SH3TC1: variants seen among roughly 807,000 people sequenced by gnomAD.
SH3TC1 encodes SH3 domain and tetratricopeptide repeats 1, also known as SH3 domain and tetratricopeptide repeat-containing protein 1.
Under a neutral mutation model 117.3 loss-of-function variants are expected in SH3TC1, and 135 were observed. The observed-to-expected ratio is 1.15, with a 90% confidence interval of 1.00 to 1.33. The LOEUF (loss-of-function observed/expected upper bound fraction) is 1.33. Among genes scored for constraint, SH3TC1 ranks in the 40% most tolerant of loss-of-function variants. The pLI, the probability that SH3TC1 is intolerant of heterozygous loss-of-function variation, is 0.00. For missense variants in SH3TC1, 2,092 were observed against 1,794.3 expected (o/e 1.17, Z -3.00); for synonymous variants, 898 against 816.9 (o/e 1.10, Z -1.69).
Position 8,206,193 on chromosome 4 carries a change from C to T in SH3TC1, c.172+827C>T, listed in dbSNP as rs556594731. On this transcript the variant is annotated intron_variant, in intron 2 of 17. Transcript: ENST00000245105. This position sits in a 1 kb window ranked among gnomAD's most constrained non-coding sequence, Gnocchi z 5.5. ...TGTGGGAGTGTTTTATACCTGCGAT[C>T]CTGCCCTTCTGCTTGAGGGTGGAGA... 2 of 155,322 alleles carry T rather than the reference C, an allele frequency of 1.3e-5. No homozygotes were observed. The highest frequency in any genetic ancestry group is 2.8e-5 in the Non-Finnish European group (2 of 70,198). 9.6% of individuals were successfully genotyped at this position (155,322 alleles called of 1,614,324 possible). A position where few individuals can be genotyped will look rare whatever the true frequency, so the allele number is the denominator to read the frequency against.
Position 8,205,417 on chromosome 4 carries a change from A to G in SH3TC1, c.172+51A>G, listed in dbSNP as rs752791698. ...CGCCCTCCATCCCACCCACTTCTCCACCCCACCCGCCCCGTCCATCCATCC... is the reference window on the plus strand; with the variant it reads ...CGCCCTCCATCCCACCCACTTCTCCGCCCCACCCGCCCCGTCCATCCATCC... On this transcript the variant is annotated intron_variant, in intron 2 of 17. Transcript: ENST00000245105. This position sits in a 1 kb window ranked among gnomAD's most constrained non-coding sequence, Gnocchi z 5.4. 9 of 1,249,128 alleles carry G rather than the reference A, an allele frequency of 7.2e-6. No individual in the cohort carries two copies. Among genetic ancestry groups the G allele is most frequent in the Non-Finnish European group, 9.1e-6 (9 of 989,244 alleles). The allele number at this position is 1,249,128 out of a possible 1,614,324, so 77.4% of individuals were successfully genotyped here.
rs145349743 is a variant in SH3TC1, at chr4:8,237,514, C to T, written c.3597C>T (p.Ala1199=). Residue 1199 remains alanine (A), a synonymous_variant, in exon 17 of 18, where the codon GCC becomes GCT. Transcript: ENST00000245105. ...AGCGCGTGGCCTACCACCGGCTGGC[C>T]GCCCTGCAACACCGACTGGGCCATG... ...LNERVAYHRL[A]ALQHRLGHGE... The T allele has an allele frequency of 2.6e-4, 413 of 1,604,280 alleles. No homozygotes were observed. Among genetic ancestry groups the T allele is most frequent in the Non-Finnish European group, 3.4e-4 (395 of 1,175,946 alleles).
At chr4:8,236,924 G>A (rs886305857) in intron 16 of SH3TC1, 28 of 161,220 alleles carry the variant, frequency 1.7e-4, no homozygotes, top group Admixed American at 3.2e-4. Flanking sequence ...ATGCCCCAGC[G>A]CCTTGTGGCC....
At position 8,210,896 on chromosome 4, in the gene SH3TC1, G is replaced by C. The variant is rs1411756936; in HGVS notation, c.247+1074G>C. ...TTGGCCCTTCCCCCATAGGGGGTGAGGGTGTTTGCTCAAGGGTCCCCTAGC... is the reference window on the plus strand; with the variant it reads ...TTGGCCCTTCCCCCATAGGGGGTGACGGTGTTTGCTCAAGGGTCCCCTAGC... On this transcript the variant is annotated intron_variant, in intron 3 of 17. Coordinates refer to ENST00000245105, the MANE Select transcript of SH3TC1 (RefSeq NM_018986.5). This position sits in a 1 kb window ranked among gnomAD's most constrained non-coding sequence, Gnocchi z 4.1. 6.6e-6 allele frequency among the ~76,000 whole-genome samples: 1 copy of C among 151,826 alleles called. No individual in the cohort carries two copies. The highest frequency in any genetic ancestry group is 6.6e-5 in the Admixed American group (1 of 15,256).
chr4:8,230,207 G>A (rs548547455), intron 12 of SH3TC1, among the ~76,000 whole-genome samples: 4 of 152,332 alleles, frequency 2.6e-5, no homozygotes, highest in South Asian at 2.1e-4. Flanking sequence ...ACAATTGTTC[G>A]TAGTGTTCTC....
chr4:8,233,696 TCATC>T (rs769304815), intron 14 of SH3TC1, among the ~76,000 whole-genome samples, 183 bp downstream of exon 14: 161 of 149,974 alleles, frequency 1.1e-3, no homozygotes, highest in African/African-American at 3.4e-3. Context: ...CATCCATCCA[TCATC>T]CATCCATCCA....
intron 14 of SH3TC1, among the ~76,000 whole-genome samples, 159 bp downstream of exon 14, chr4:8,233,672 C>T (rs1432906172): frequency 6.6e-6 from 1 of 151,400 alleles, no homozygotes; most frequent in African/African-American, 2.4e-5. Context: ...TACCCATTCA[C>T]CTATGGGTCC....
intron 17 of SH3TC1, among the ~76,000 whole-genome samples, chr4:8,239,338 T>C (rs570500042): frequency 1.4e-5 from 2 of 138,314 alleles, no homozygotes; most frequent in African/African-American, 5.9e-5. Context: ...CATGCACACA[T>C]GGACACGCAC....
rs1649633126 is a variant in SH3TC1, at chr4:8,205,111, C to T, written c.-28-56C>T. ...TCTGGACCCCAGGCCTGGACACAAC[C>T]TCCGTGCTGGTTCTGGAGGGGCCAC... On this transcript the variant is annotated intron_variant, in intron 1 of 17. Transcript: ENST00000245105. The surrounding 1 kb of genome is among the most constrained non-coding windows in gnomAD (Gnocchi z 5.4). 2 of 1,391,596 alleles carry T rather than the reference C, an allele frequency of 1.4e-6. No homozygotes were observed. Among genetic ancestry groups the T allele is most frequent in the Admixed American group, 5.9e-5 (2 of 34,166 alleles). 86.2% of individuals were successfully genotyped at this position (1,391,596 alleles called of 1,614,324 possible). A position where few individuals can be genotyped will look rare whatever the true frequency, so the allele number is the denominator to read the frequency against.
chr4:8,194,415 G>A (rs1046472411), upstream of SH3TC1, among the ~76,000 whole-genome samples: 9 of 144,402 alleles, frequency 6.2e-5, no homozygotes, highest in Non-Finnish European at 9.2e-5. Flanking sequence ...GCTAGAAATC[G>A]TGTCCTGGCA....
rs199920442 is a variant in SH3TC1, at chr4:8,219,522, C to A, written c.1104C>A (p.Pro368=). Residue 368 remains proline, a synonymous_variant, in exon 9 of 18, where the codon CCC becomes CCA. Coordinates refer to ENST00000245105, the MANE Select transcript of SH3TC1 (RefSeq NM_018986.5). ...VRSSLISMQG[P]VSELESAIFL... ...GCAGCCTCATCAGCATGCAGGGCCC[C>A]GTGTCCGAGTGAGTGGCTGGAGCCC... 4 of 1,560,160 alleles carry A rather than the reference C, an allele frequency of 2.6e-6. No individual in the cohort carries two copies. The highest frequency in any genetic ancestry group is 3.5e-6 in the Non-Finnish European group (4 of 1,146,906).
In SH3TC1 at chr4:8,183,679, A is replaced by T. The variant is rs1225083968; in HGVS notation, c.-57+1469A>T. Reference sequence around the variant, plus strand: ...GGAAGACAGTTCAGAGAGTTCTCGTAAAACCCCACCCAGCGGCCTCTATGA... The same window carrying T: ...GGAAGACAGTTCAGAGAGTTCTCGTTAAACCCCACCCAGCGGCCTCTATGA... On this transcript the variant is annotated intron_variant, in intron 1 of 16. Coordinates refer to the SH3TC1 transcript ENST00000508641. The surrounding 1 kb of genome is among the most constrained non-coding windows in gnomAD (Gnocchi z 5.4). 1.3e-5 allele frequency among the ~76,000 whole-genome samples: 2 copies of T among 152,214 alleles called. No individual in the cohort carries two copies. Among genetic ancestry groups the T allele is most frequent in the African/African-American group, 2.4e-5 (1 of 41,450 alleles).
chr4:8,222,687 T>C (rs1678296), intron 9 of SH3TC1, among the ~76,000 whole-genome samples, 153 bp from the exon 10 acceptor site: 8 of 152,076 alleles, frequency 5.3e-5, no homozygotes, highest in Admixed American at 5.2e-4. Context: ...TTGTTGTTGT[T>C]GTTGTTGTTT....
At chr4:8,234,540 C>T (rs1385949164) in intron 14 of SH3TC1, among the ~76,000 whole-genome samples, 2 of 151,982 alleles carry the variant, frequency 1.3e-5, no homozygotes, top group African/African-American at 4.8e-5. Flanking sequence ...TCCATCCATC[C>T]ACCCACCTAT....
At position 8,183,380 on chromosome 4, in the gene SH3TC1, C is replaced by G. The variant is rs1454823427; in HGVS notation, c.-57+1170C>G. On this transcript the variant is annotated intron_variant, in intron 1 of 16. Coordinates refer to the SH3TC1 transcript ENST00000508641. This position sits in a 1 kb window ranked among gnomAD's most constrained non-coding sequence, Gnocchi z 5.4. Reference sequence around the variant, plus strand: ...TGCTGTGGGAACAATGACCAGAAACCGGCCCTGCCCCACGCATCTCTGTGA... The same window carrying G: ...TGCTGTGGGAACAATGACCAGAAACGGGCCCTGCCCCACGCATCTCTGTGA... 2.0e-5 allele frequency among the ~76,000 whole-genome samples: 3 copies of G among 152,268 alleles called. No homozygotes were observed. The South Asian group carries it at 6.2e-4, about 32-fold the overall frequency.
chr4:8,237,717 G>A, intron 17 of SH3TC1, 47 bp downstream of exon 17: 2 of 1,536,802 alleles, frequency 1.3e-6, no homozygotes, highest in Non-Finnish European at 1.8e-6. Flanking sequence ...CCCCCTTGGA[G>A]TGGGATCTCC....
Position 8,225,448 on chromosome 4 carries a change from G to A in SH3TC1, c.1285+232G>A, listed in dbSNP as rs1182261488. Among the ~76,000 whole-genome samples, 1 of 152,146 alleles carries A rather than the reference G, an allele frequency of 6.6e-6. No individual in the cohort carries two copies. Among genetic ancestry groups the A allele is most frequent in the African/African-American group, 2.4e-5 (1 of 41,438 alleles). On this transcript the variant is annotated intron_variant, in intron 11 of 17. Coordinates refer to ENST00000245105, the MANE Select transcript of SH3TC1 (RefSeq NM_018986.5). The surrounding 1 kb of genome is among the most constrained non-coding windows in gnomAD (Gnocchi z 5.5). ...TCTTCCAATGAACATGCTGGCCCCC[G>A]CCTGGTCCCCGCCCAAGATGGAGCA...
intron 5 of SH3TC1, among the ~76,000 whole-genome samples, chr4:8,215,805 C>T (rs1172233448): frequency 2.0e-5 from 3 of 152,244 alleles, no homozygotes; most frequent in East Asian, 3.9e-4. Context: ...GCGGCCTGCA[C>T]GGCCCCCGAC....
chr4:8,192,626 T>C lies in SH3TC1; in HGVS notation c.-57+10416T>C, dbSNP rs1049147954. 2.0e-5 allele frequency among the ~76,000 whole-genome samples: 3 copies of C among 152,262 alleles called. No individual in the cohort carries two copies. Among genetic ancestry groups the C allele is most frequent in the African/African-American group, 4.8e-5 (2 of 41,562 alleles). ...CTCCCGCCTCAGCCTCCTGAGTAGCTGGGATCACAGGCGTGTGCCACAACG... is the reference window on the plus strand; with the variant it reads ...CTCCCGCCTCAGCCTCCTGAGTAGCCGGGATCACAGGCGTGTGCCACAACG... On this transcript the variant is annotated intron_variant, in intron 1 of 16. Transcript: ENST00000508641. This position sits in a 1 kb window ranked among gnomAD's most constrained non-coding sequence, Gnocchi z 4.1.
Sources: allele counts gnomAD v4.1 joint callset (sites outside exome capture counted in the v4.1 genomes callset), GRCh38; gene constraint gnomAD v4.1.1; non-coding constraint Gnocchi (gnomAD v3.1); transcripts MANE v1.5; gene names NCBI Gene and HGNC (gene_info 2026-07-23, HGNC 2026-07-21).